The following PIK3C2G variants were observed in gnomAD, a reference collection of about 807,000 sequenced individuals.
PIK3C2G encodes phosphatidylinositol-4-phosphate 3-kinase catalytic subunit type 2 gamma.
A neutral mutation model predicts 181.1 loss-of-function variants in PIK3C2G; 168 were observed. The ratio of observed to expected loss-of-function variants is 0.93; its 90% confidence interval spans 0.82 to 1.05. The LOEUF is 1.05. Ranked by LOEUF, PIK3C2G falls within the 50% of genes least tolerant of loss-of-function variation. The pLI, the probability that PIK3C2G is intolerant of heterozygous loss-of-function variation, is 0.00. For synonymous variants in PIK3C2G, 573 were observed against 592.2 expected (o/e 0.97, Z 0.47); for missense variants, 1,869 against 1,732.8 (o/e 1.08, Z -1.40).
chr12:18,352,020 C>T (rs569434371), intron 11 of PIK3C2G, among the ~76,000 whole-genome samples: 1 of 152,266 alleles, frequency 6.6e-6, no homozygotes, highest in South Asian at 2.1e-4. Flanking sequence ...TGATGCAATT[C>T]TCACAATATA....
chr12:18,400,478 C>G (rs925784781), intron 16 of PIK3C2G, among the ~76,000 whole-genome samples: 1 of 152,096 alleles, frequency 6.6e-6, no homozygotes, highest in Non-Finnish European at 1.5e-5. Context: ...TAAGTTTGTC[C>G]TGATAGCATC....
chr12:18,557,534 C>T (rs1431916240), intron 26 of PIK3C2G, among the ~76,000 whole-genome samples: 9 of 151,984 alleles, frequency 5.9e-5, no homozygotes, highest in Non-Finnish European at 8.8e-5. Flanking sequence ...GAAAACATTA[C>T]GCTTAACAGT....
chr12:18,643,569 A>G (rs978394947), intron 32 of PIK3C2G, among the ~76,000 whole-genome samples: 1 of 151,818 alleles, frequency 6.6e-6, no homozygotes, highest in African/African-American at 2.4e-5. Flanking sequence ...CTATGCCTGT[A>G]TCAACACAAC....
chr12:18,471,512 G>C (rs899393280), intron 18 of PIK3C2G, among the ~76,000 whole-genome samples: 1 of 152,064 alleles, frequency 6.6e-6, no homozygotes, highest in Non-Finnish European at 1.5e-5. Context: ...ACTGTTGCCT[G>C]AATAATTCTT....
the PIK3C2G span, among the ~76,000 whole-genome samples, chr12:18,671,396 C>G: frequency 6.6e-6 from 1 of 151,798 alleles, no homozygotes; most frequent in Non-Finnish European, 1.5e-5. Flanking sequence ...AGAAAGAACA[C>G]GAGAGCCTGG....
At chr12:18,365,075 A>C (rs984428535) in intron 12 of PIK3C2G, among the ~76,000 whole-genome samples, 36 of 152,202 alleles carry the variant, frequency 2.4e-4, no homozygotes, top group African/African-American at 8.2e-4. Flanking sequence ...CAAAGAAAAA[A>C]TTCTGAATGC....
the PIK3C2G span, among the ~76,000 whole-genome samples, chr12:18,673,946 G>A: frequency 3.0e-4 from 45 of 152,150 alleles, no homozygotes; most frequent in Non-Finnish European, 1.2e-4. Context: ...TAGCAAGATG[G>A]AAGTCACAAT....
intron 4 of PIK3C2G, among the ~76,000 whole-genome samples, chr12:18,293,374 C>A (rs1949795493): frequency 6.6e-6 from 1 of 152,128 alleles, no homozygotes; most frequent in South Asian, 2.1e-4. Context: ...TTAATGATCA[C>A]AGAATTGTCT....
chr12:18,299,577 T>C (rs1187433550), intron 5 of PIK3C2G, among the ~76,000 whole-genome samples: 6 of 152,124 alleles, frequency 3.9e-5, no homozygotes, highest in Admixed American at 2.0e-4. Context: ...TCCATTATTA[T>C]GCTGAATAAG....
intron 31 of PIK3C2G, among the ~76,000 whole-genome samples, chr12:18,611,779 C>A (rs1033974774): frequency 1.3e-5 from 2 of 152,188 alleles, no homozygotes; most frequent in East Asian, 1.9e-4. Context: ...TTCTGTCATT[C>A]TGCTTTCAAA....
intron 31 of PIK3C2G, among the ~76,000 whole-genome samples, chr12:18,631,231 T>TTC (rs1267047485): frequency 6.6e-6 from 1 of 152,056 alleles, no homozygotes; most frequent in African/African-American, 2.4e-5. Flanking sequence ...GAAGAGAAGT[T>TTC]TCTCTTAAAG....
chr12:18,425,305 G>A (rs1945732689), intron 18 of PIK3C2G, among the ~76,000 whole-genome samples: 1 of 151,612 alleles, frequency 6.6e-6, no homozygotes, highest in South Asian at 2.1e-4. Flanking sequence ...TTAGGAATTG[G>A]ATTGTTTTGG....
intron 15 of PIK3C2G, among the ~76,000 whole-genome samples, chr12:18,392,509 C>T (rs1482626334): frequency 6.6e-6 from 1 of 151,922 alleles, no homozygotes. Flanking sequence ...TTTGATATTC[C>T]CTCTGCCTGA....
intron 29 of PIK3C2G, among the ~76,000 whole-genome samples, chr12:18,575,104 T>C (rs1158318171): frequency 6.6e-6 from 1 of 152,150 alleles, no homozygotes; most frequent in Non-Finnish European, 1.5e-5. Context: ...TCCTAAGCAC[T>C]GTTAGAGAAA....
At chr12:18,576,744 T>C (rs897848240) in intron 29 of PIK3C2G, among the ~76,000 whole-genome samples, 2 of 152,180 alleles carry the variant, frequency 1.3e-5, no homozygotes, top group Non-Finnish European at 2.9e-5. Flanking sequence ...TTCATCACAT[T>C]GGGTTCCAAG....
At chr12:18,350,071 G>T (rs1185063397) in intron 11 of PIK3C2G, among the ~76,000 whole-genome samples, 20 of 152,152 alleles carry the variant, frequency 1.3e-4, no homozygotes, top group Admixed American at 8.5e-4. Context: ...CAGGAAGGTA[G>T]ACCAGGAGAT....
At chr12:18,713,122 T>C in the PIK3C2G span, 1 of 1,190,848 alleles carries the variant, frequency 8.4e-7, no homozygotes, top group Non-Finnish European at 1.2e-6. Flanking sequence ...TAAAAACTTG[T>C]CTTTGGGACA....
intron 18 of PIK3C2G, among the ~76,000 whole-genome samples, chr12:18,445,878 G>T (rs578011069): frequency 5.9e-5 from 9 of 152,238 alleles, no homozygotes; most frequent in African/African-American, 2.2e-4. Flanking sequence ...GAGTGCAATT[G>T]CATAGAACAT....
intron 9 of PIK3C2G, among the ~76,000 whole-genome samples, chr12:18,342,596 A>G (rs1408210649): frequency 6.6e-6 from 1 of 151,854 alleles, no homozygotes; most frequent in East Asian, 1.9e-4. Flanking sequence ...TTTGGGCTGA[A>G]ACCATTTTTT....
Sources: gnomAD v4.1 joint callset for allele counts (sites outside exome capture counted in the v4.1 genomes callset) on GRCh38, gnomAD v4.1.1 for gene constraint, MANE v1.5 for transcripts, NCBI Gene and HGNC (gene_info 2026-07-23, HGNC 2026-07-21) for gene names.